The following FBXL17 variants were observed in gnomAD, a reference collection of about 807,000 sequenced individuals.
The protein encoded by FBXL17 is F-box/LRR-repeat protein 17.
A neutral mutation model predicts 66.2 loss-of-function variants in FBXL17; 22 were observed. That is an observed-to-expected ratio of 0.33 (90% CI 0.24 to 0.47). The LOEUF (loss-of-function observed/expected upper bound fraction) is 0.47. Among genes scored for constraint, FBXL17 ranks in the 20% least tolerant of loss-of-function variants. The probability of loss-of-function intolerance (pLI) is 1.00; values close to 1 mark genes in which losing one functional copy is unlikely to be tolerated. For missense variants in FBXL17, 878 were observed against 948.2 expected (o/e 0.93, Z 0.97); for synonymous variants, 474 against 400.5 (o/e 1.18, Z -2.19).
chr5:108,278,399 G>A (rs780144140), intron 4 of FBXL17, among the ~76,000 whole-genome samples: 8 of 152,194 alleles, frequency 5.3e-5, no homozygotes, highest in African/African-American at 1.7e-4. Flanking sequence ...AGAGAAACTC[G>A]GGCTGCTGCA....
chr5:108,088,546 A>C (rs555610875), intron 6 of FBXL17, among the ~76,000 whole-genome samples: 41 of 151,964 alleles, frequency 2.7e-4, no homozygotes, highest in Middle Eastern at 3.4e-3. Context: ...CTAAAAATGC[A>C]AAAAATTATC....
intron 7 of FBXL17, among the ~76,000 whole-genome samples, chr5:107,908,657 C>T (rs1438048962): frequency 1.3e-5 from 2 of 152,064 alleles, no homozygotes; most frequent in African/African-American, 4.8e-5. Context: ...TGAGCAGGGC[C>T]ACTGAAGCAC....
chr5:108,054,853 G>A (rs1231920038), intron 6 of FBXL17, among the ~76,000 whole-genome samples: 1 of 152,112 alleles, frequency 6.6e-6, no homozygotes, highest in African/African-American at 2.4e-5. Context: ...TTGTTCGTCA[G>A]GTCCCAAGTT....
chr5:108,221,726 G>A (rs1344903652), intron 5 of FBXL17, among the ~76,000 whole-genome samples: 1 of 152,106 alleles, frequency 6.6e-6, no homozygotes, highest in African/African-American at 2.4e-5. Flanking sequence ...TTTTGTGAAT[G>A]TCTTAGTAAC....
chr5:107,988,271 T>C (rs1378368975), intron 7 of FBXL17, among the ~76,000 whole-genome samples: 1 of 152,046 alleles, frequency 6.6e-6, no homozygotes, highest in Non-Finnish European at 1.5e-5. Flanking sequence ...AGATATCTCC[T>C]TTCAATTCAT....
intron 6 of FBXL17, among the ~76,000 whole-genome samples, chr5:108,046,428 G>A (rs1225471574): frequency 6.6e-6 from 1 of 152,090 alleles, no homozygotes; most frequent in Non-Finnish European, 1.5e-5. Flanking sequence ...AATAGTTAGA[G>A]CTTTATACTT....
intron 8 of FBXL17, among the ~76,000 whole-genome samples, chr5:107,877,254 C>T (rs1162037748): frequency 6.6e-6 from 1 of 152,158 alleles, no homozygotes; most frequent in Non-Finnish European, 1.5e-5. Flanking sequence ...GAGGACTCCT[C>T]CCCAGGAATC....
At chr5:108,151,671 C>G (rs933415882) in intron 6 of FBXL17, among the ~76,000 whole-genome samples, 1 of 152,104 alleles carries the variant, frequency 6.6e-6, no homozygotes, top group African/African-American at 2.4e-5. Flanking sequence ...AAATGTTACC[C>G]ATAAAAATCA....
intron 7 of FBXL17, among the ~76,000 whole-genome samples, chr5:107,995,588 C>G (rs572283824): frequency 6.6e-6 from 1 of 152,040 alleles, no homozygotes; most frequent in South Asian, 2.1e-4. Flanking sequence ...TCAATATAAC[C>G]AAAGCCAAAT....
intron 6 of FBXL17, among the ~76,000 whole-genome samples, chr5:108,150,690 T>C (rs1481363606): frequency 6.6e-6 from 1 of 152,222 alleles, no homozygotes; most frequent in East Asian, 1.9e-4. Flanking sequence ...TTCCTTGTGA[T>C]TAAATTCAGA....
chr5:108,381,215 G>C lies in FBXL17; in HGVS notation c.477C>G (p.Leu159=). 1 of 1,448,348 alleles carries C rather than the reference G, an allele frequency of 6.9e-7. No homozygotes were observed. Among genetic ancestry groups the C allele is most frequent in the Non-Finnish European group, 9.1e-7 (1 of 1,102,492 alleles). The allele number at this position is 1,448,348 out of a possible 1,614,324, so 89.7% of individuals were successfully genotyped here. The part of the protein sequence containing the change: ...AAAWEQQGRS[L]FLASLGPVRF... ...GCACCGGCCCCAAGCTGGCCAGGAA[G>C]AGACTTCGGCCCTGCTGCTCCCAGG... The change falls in exon 1 of 9, where the codon CTC becomes CTG. Residue 159 remains leucine, a synonymous_variant. Transcript: ENST00000542267.
At chr5:108,179,076 T>G (rs1159859681) in intron 6 of FBXL17, among the ~76,000 whole-genome samples, 1 of 152,202 alleles carries the variant, frequency 6.6e-6, no homozygotes, top group Non-Finnish European at 1.5e-5. Flanking sequence ...GATGGTAGAT[T>G]ATCTATCCAG....
At chr5:107,946,329 C>T (rs2112598552) in intron 7 of FBXL17, among the ~76,000 whole-genome samples, 1 of 115,810 alleles carries the variant, frequency 8.6e-6, no homozygotes, top group African/African-American at 3.3e-5. Flanking sequence ...GAGTCTTGCT[C>T]TGCTGCCCAG....
chr5:108,102,354 A>G (rs920153385), intron 6 of FBXL17, among the ~76,000 whole-genome samples: 3 of 152,178 alleles, frequency 2.0e-5, no homozygotes, highest in Non-Finnish European at 4.4e-5. Context: ...CTTTATGTCT[A>G]TCATATTTTT....
chr5:108,347,484 C>T (rs578200043), intron 4 of FBXL17, among the ~76,000 whole-genome samples: 2 of 152,250 alleles, frequency 1.3e-5, no homozygotes, highest in Admixed American at 1.3e-4. Context: ...AACATAAATG[C>T]TTTGGAATAT....
intron 6 of FBXL17, among the ~76,000 whole-genome samples, chr5:108,104,930 C>T (rs960649108): frequency 6.6e-6 from 1 of 152,104 alleles, no homozygotes; most frequent in African/African-American, 2.4e-5. Context: ...CAACCCCCAC[C>T]TCCCGGGTTC....
intron 4 of FBXL17, among the ~76,000 whole-genome samples, chr5:108,326,066 G>A (rs144782168): frequency 1.8e-3 from 267 of 152,180 alleles, no homozygotes; most frequent in Middle Eastern, 0.014. Context: ...AACAATAACA[G>A]AGAAAAACAA....
intron 5 of FBXL17, among the ~76,000 whole-genome samples, chr5:108,222,648 C>G (rs962805734): frequency 6.8e-6 from 1 of 147,400 alleles, no homozygotes; most frequent in African/African-American, 2.5e-5. Context: ...TACTAATTTT[C>G]TAGCAATTTA....
intron 7 of FBXL17, among the ~76,000 whole-genome samples, chr5:107,957,796 G>A (rs1751722150): frequency 6.6e-6 from 1 of 152,116 alleles, no homozygotes. Context: ...TATAATTGTG[G>A]TAGAAACTTC....
Sources: allele counts gnomAD v4.1 joint callset (sites outside exome capture counted in the v4.1 genomes callset), GRCh38; gene constraint gnomAD v4.1.1; transcripts MANE v1.5; gene names NCBI Gene and HGNC (gene_info 2026-07-23, HGNC 2026-07-21).